The following SLCO1B1 variants were observed in gnomAD, a reference collection of about 807,000 sequenced individuals.
SLCO1B1 encodes OATP-2.
In SLCO1B1, 81 loss-of-function variants were observed where a neutral mutation model predicts 70.1. That is an observed-to-expected ratio of 1.16 (90% CI 0.97 to 1.39). The LOEUF is 1.39. Among genes scored for constraint, SLCO1B1 ranks in the 40% most tolerant of loss-of-function variants. The pLI is 0.00. For missense variants in SLCO1B1, 895 were observed against 799.6 expected (o/e 1.12, Z -1.44); for synonymous variants, 283 against 271.5 (o/e 1.04, Z -0.42).
intron 11 of SLCO1B1, among the ~76,000 whole-genome samples, chr12:21,207,447 A>C (rs1941227178): frequency 6.6e-6 from 1 of 151,984 alleles, no homozygotes. Flanking sequence ...AGCTGCATCC[A>C]GGTTGCTGCA....
At chr12:21,208,370 T>G (rs556504349) in intron 11 of SLCO1B1, among the ~76,000 whole-genome samples, 1 of 152,258 alleles carries the variant, frequency 6.6e-6, no homozygotes, top group African/African-American at 2.4e-5. Context: ...TCCAGCACCA[T>G]TTACTGAATA....
In SLCO1B1 at chr12:21,205,891, G is replaced by C. The variant is rs767997802; in HGVS notation, c.1355G>C (p.Arg452Thr). The part of the protein sequence containing the change: ...YDGNNPVTSH[R>T]DVPLSYCNSD... ...AGAAATAATCCAGTGACATCTCATA[G>C]AGATGTACCACTTTCTTATTGCAAC... Residue 452 changes from arginine to threonine, a missense_variant, in exon 11 of 15, where the codon AGA becomes ACA. By Grantham distance (71) the Arg-to-Thr change is moderately conservative. Coordinates refer to ENST00000256958, the MANE Select transcript of SLCO1B1 (RefSeq NM_006446.5). The C allele has an allele frequency of 6.2e-7, 1 of 1,609,052 alleles. No homozygotes were observed. Among genetic ancestry groups the C allele is most frequent in the East Asian group, 2.2e-5 (1 of 44,728 alleles).
intron 4 of SLCO1B1, among the ~76,000 whole-genome samples, chr12:21,175,007 T>C (rs1222458683): frequency 6.6e-6 from 1 of 152,198 alleles, no homozygotes; most frequent in Non-Finnish European, 1.5e-5. Context: ...AAGATTTTGA[T>C]TATTTTTTAT....
At position 21,176,873 on chromosome 12, in the gene SLCO1B1, G is replaced by T; in HGVS notation, c.457G>T (p.Ala153Ser). The T allele has an allele frequency of 6.4e-7, 1 of 1,562,382 alleles. No homozygotes were observed. The highest frequency in any genetic ancestry group is 2.2e-5 in the East Asian group (1 of 44,592). ...LINQILSLNR[A>S]SPEIVGKGCL... The stretch of plus-strand genomic sequence containing the variant: ...TAATCAAATTTTATCACTCAATAGA[G>T]CATCACCTGAGATAGTGGGAAAAGG... The change falls in exon 5 of 15, where the codon GCA becomes TCA. Residue 153 changes from alanine to serine, a missense_variant. Ala to Ser is a moderately conservative substitution (Grantham distance 99, BLOSUM62 1). Coordinates refer to ENST00000256958, the MANE Select transcript of SLCO1B1 (RefSeq NM_006446.5).
At chr12:21,177,395 C>T (rs1940835862) in intron 5 of SLCO1B1, among the ~76,000 whole-genome samples, 1 of 152,032 alleles carries the variant, frequency 6.6e-6, no homozygotes, top group African/African-American at 2.4e-5. Context: ...TATAACTTTG[C>T]TTTCATTGCA....
At chr12:21,131,640 G>T (rs2121014533) in intron 1 of SLCO1B1, among the ~76,000 whole-genome samples, 1 of 152,046 alleles carries the variant, frequency 6.6e-6, no homozygotes, top group Admixed American at 6.6e-5. Flanking sequence ...TTAACTGGAT[G>T]AAGGCAGCCA....
At chr12:21,156,052 G>C (rs112653003) in intron 2 of SLCO1B1, among the ~76,000 whole-genome samples, 17 of 152,156 alleles carry the variant, frequency 1.1e-4, no homozygotes, top group Admixed American at 9.8e-4. Context: ...TAATAAAATA[G>C]CCATGTATTT....
intron 14 of SLCO1B1, among the ~76,000 whole-genome samples, chr12:21,230,932 C>T (rs1034327493): frequency 2.6e-5 from 4 of 151,902 alleles, no homozygotes; most frequent in Middle Eastern, 3.4e-3. Flanking sequence ...ATTAACTACT[C>T]ATTTACATTA....
intron 11 of SLCO1B1, among the ~76,000 whole-genome samples, chr12:21,215,107 T>C (rs1270853293): frequency 3.9e-5 from 6 of 152,000 alleles, no homozygotes; most frequent in African/African-American, 1.2e-4. Flanking sequence ...TTTTGAGATA[T>C]AGAATCATAT....
chr12:21,182,547 TC>T (rs1187882026), intron 7 of SLCO1B1, among the ~76,000 whole-genome samples: 1 of 152,082 alleles, frequency 6.6e-6, no homozygotes, highest in Non-Finnish European at 1.5e-5. Context: ...CGCCAGTCCC[TC>T]CCAGTACTCC....
At chr12:21,214,346 T>C (rs1941328755) in intron 11 of SLCO1B1, among the ~76,000 whole-genome samples, 1 of 150,934 alleles carries the variant, frequency 6.6e-6, no homozygotes, top group South Asian at 2.1e-4. Context: ...GTGCCCCTGC[T>C]GGGGCGTGCC....
chr12:21,216,392 G>C (rs4149069), intron 11 of SLCO1B1, among the ~76,000 whole-genome samples: 77,769 of 151,852 alleles, frequency 0.51, 20,446 homozygotes, highest in East Asian at 0.73. Flanking sequence ...TCAACGTGAG[G>C]TTCCCTTAAA....
chr12:21,182,828 C>T (rs1940920752), intron 7 of SLCO1B1, among the ~76,000 whole-genome samples: 1 of 152,106 alleles, frequency 6.6e-6, no homozygotes, highest in Admixed American at 6.5e-5. Flanking sequence ...TCTCAGAACA[C>T]TGAGAGGGGT....
rs1231897625 is a variant in SLCO1B1, at chr12:21,229,714, T to G, written c.1865+4875T>G. Among the ~76,000 whole-genome samples, 5 of 152,222 alleles carry G rather than the reference T, an allele frequency of 3.3e-5. No homozygotes were observed. In the East Asian group the frequency reaches 9.6e-4, roughly 29 times the overall value. ...ATTCTGTTATATTAACCCTGGATCCTGTGTCCTGAAACCTTGCAATAATTG... is the reference window on the plus strand; with the variant it reads ...ATTCTGTTATATTAACCCTGGATCCGGTGTCCTGAAACCTTGCAATAATTG... On this transcript the variant is annotated intron_variant, in intron 14 of 14. Coordinates refer to ENST00000256958, the MANE Select transcript of SLCO1B1 (RefSeq NM_006446.5).
At position 21,222,386 on chromosome 12, in the gene SLCO1B1, AAAAAAAAAAAAAT is replaced by A. The variant is rs1407932101; in HGVS notation, c.1747+24_1747+36del. 18 of 353,276 alleles carry A rather than the reference AAAAAAAAAAAAAT, an allele frequency of 5.1e-5. No individual in the cohort carries two copies. In the South Asian group the frequency reaches 9.5e-4, roughly 19 times the overall value. The allele number at this position is 353,276 out of a possible 1,614,324, so 21.9% of individuals were successfully genotyped here. A position where few individuals can be genotyped will look rare whatever the true frequency, so the allele number is the denominator to read the frequency against. ...CTAGGTATGATGAAAAAAAAAAAAAAAAAAAAAAAAAATATATATATATATATATATATATATA... is the reference window on the plus strand; with the variant it reads ...CTAGGTATGATGAAAAAAAAAAAAAAATATATATATATATATATATATATA... On this transcript the variant is annotated intron_variant, in intron 13 of 14. Transcript: ENST00000256958.
rs187096651 is a variant in SLCO1B1, at chr12:21,189,825, A to T, written c.728-7121A>T. Among the ~76,000 whole-genome samples, 10 of 152,348 alleles carry T rather than the reference A, an allele frequency of 6.6e-5. 1 individual carries two copies. Among genetic ancestry groups the T allele is most frequent in the Admixed American group, 5.2e-4 (8 of 15,302 alleles). ...TAAGTGGAATAGTTAAATTTAGCTA[A>T]TTAACAAATGCATTATCTTACATAG... On this transcript the variant is annotated intron_variant, in intron 7 of 14. Transcript: ENST00000256958.
At chr12:21,212,588 T>G (rs1274794795) in intron 11 of SLCO1B1, among the ~76,000 whole-genome samples, 9 of 91,952 alleles carry the variant, frequency 9.8e-5, no homozygotes, top group African/African-American at 3.9e-4. Flanking sequence ...GTCCGCTTGG[T>G]GCAGAGCTGA....
intron 7 of SLCO1B1, among the ~76,000 whole-genome samples, chr12:21,194,854 C>A (rs1297181974): frequency 6.6e-6 from 1 of 152,220 alleles, no homozygotes; most frequent in African/African-American, 2.4e-5. Context: ...GGCATTATCT[C>A]AGATTCTGAG....
intron 14 of SLCO1B1, among the ~76,000 whole-genome samples, chr12:21,231,441 A>C (rs955016813): frequency 2.0e-5 from 3 of 152,022 alleles, no homozygotes; most frequent in African/African-American, 7.2e-5. Context: ...GCTTTTTCCC[A>C]AAAATGGTAC....
Sources: allele counts gnomAD v4.1 joint callset (sites outside exome capture counted in the v4.1 genomes callset), GRCh38; gene constraint gnomAD v4.1.1; transcripts MANE v1.5; gene names NCBI Gene and HGNC (gene_info 2026-07-23, HGNC 2026-07-21).